Variants in FCGRT observed in about 807,000 individuals in gnomAD.
The protein encoded by FCGRT is Fc gamma receptor and transporter.
In FCGRT, 13 loss-of-function variants were observed where a neutral mutation model predicts 35.7. That is an observed-to-expected ratio of 0.36 (90% CI 0.24 to 0.58). FCGRT has a LOEUF of 0.58. Ranked by LOEUF, FCGRT falls within the 20% of genes least tolerant of loss-of-function variation. The pLI is 0.77. For missense variants in FCGRT, 455 were observed against 474.9 expected, an observed-to-expected ratio of 0.96 and a Z score of 0.39; for synonymous variants, 233 against 216.5, an observed-to-expected ratio of 1.08 and a Z score of -0.67.
intron 5 of FCGRT, chr19:49,525,125 A>AAGAC (rs1184907159): frequency 7.7e-6 from 4 of 521,214 alleles, no homozygotes; most frequent in African/African-American, 5.7e-5. Context: ...CGTCCTCACC[A>AAGAC]AGACTGACTG....
Position 49,514,000 on chromosome 19 carries a change from G to A in FCGRT, c.192G>A (p.Leu64=), listed in dbSNP as rs1177188761. Residue 64 remains leucine, a synonymous_variant, in exon 3 of 7, where the codon CTG becomes CTA. Coordinates refer to ENST00000221466, the MANE Select transcript of FCGRT (RefSeq NM_001136019.3). The part of the protein sequence containing the change: ...GPQQYLSYNS[L]RGEAEPCGAW... ...AGCAGTACCTGAGCTACAATAGCCT[G>A]CGGGGCGAGGCGGAGCCCTGTGGAG... The A allele has an allele frequency of 6.2e-7, 1 of 1,613,514 alleles. No individual in the cohort carries two copies. The highest frequency in any genetic ancestry group is 1.7e-5 in the Admixed American group (1 of 60,002).
chr19:49,517,165 G>A (rs1052328507), intron 4 of FCGRT, among the ~76,000 whole-genome samples: 6 of 152,020 alleles, frequency 3.9e-5, no homozygotes, highest in African/African-American at 1.5e-4. Flanking sequence ...CTCCAGCCCA[G>A]ATGACAGAGC....
intron 4 of FCGRT, chr19:49,521,661 AC>A (rs1025592073): frequency 7.0e-6 from 1 of 143,820 alleles, no homozygotes. Flanking sequence ...GAGCCATTGC[AC>A]CCGGCTTTTT....
intron 1 of FCGRT, 35 bp from the exon 2 acceptor site, chr19:49,513,352 G>C: frequency 9.8e-7 from 1 of 1,021,876 alleles, no homozygotes; most frequent in South Asian, 5.0e-5. Context: ...GCGGGCCGGG[G>C]GTCGGGAGGA....
At chr19:49,525,363 G>A (rs73582446) in intron 5 of FCGRT, 94 bp from the exon 6 acceptor site, 80,961 of 926,822 alleles carry the variant, frequency 0.087, 4,296 homozygotes, top group African/African-American at 0.16. Context: ...TGGAATCTCC[G>A]AGGCTGGGAG....
chr19:49,524,713 G>A lies in FCGRT; in HGVS notation c.808G>A (p.Glu270Lys). Reference protein sequence around the residue: ...SSSLTVKSGDEHHYCCIVQHA... With the variant: ...SSSLTVKSGDKHHYCCIVQHA... ...GTCACTAACAGTCAAAAGTGGCGAT[G>A]AGCACCACTACTGCTGCATTGTGCA... Residue 270 changes from glutamate (E) to lysine (K), a missense_variant, in exon 5 of 7, where the codon GAG becomes AAG. Glu to Lys is a moderately conservative substitution (Grantham distance 56). Transcript: ENST00000221466. 1.2e-6 allele frequency: 2 copies of A among 1,602,652 alleles called. No individual in the cohort carries two copies. The highest frequency in any genetic ancestry group is 1.1e-5 in the South Asian group (1 of 91,074).
At chr19:49,521,661 A>T (rs934526178) in intron 4 of FCGRT, 8 of 143,818 alleles carry the variant, frequency 5.6e-5, no homozygotes, top group Non-Finnish European at 1.2e-4. Flanking sequence ...GAGCCATTGC[A>T]CCCGGCTTTT....
intron 4 of FCGRT, among the ~76,000 whole-genome samples, chr19:49,517,026 C>G (rs2080011620): frequency 6.6e-6 from 1 of 151,832 alleles, no homozygotes; most frequent in Admixed American, 6.6e-5. Context: ...CGCATCTCTA[C>G]TAAAAACTCA....
At chr19:49,522,184 G>A (rs1449470261) in intron 4 of FCGRT, among the ~76,000 whole-genome samples, 1 of 149,732 alleles carries the variant, frequency 6.7e-6, no homozygotes, top group African/African-American at 2.5e-5. Flanking sequence ...TGGGCTCAAG[G>A]ATTCCTCCTG....
rs2080077981 is a variant in FCGRT at position 49,526,397 on chromosome 19, C to T, written c.*278C>T. 6.5e-6 allele frequency: 3 copies of T among 462,652 alleles called. No individual in the cohort carries two copies. The highest frequency in any genetic ancestry group is 7.7e-6 in the Non-Finnish European group (2 of 258,078). The allele number at this position is 462,652 out of a possible 1,614,324, so 28.7% of individuals were successfully genotyped here. ...GGGAATAAGTCGGGGGACTGAATGG[C>T]GGCTGGGCCTCGGATCTCTCCTACA... is the stretch of plus-strand genomic sequence containing the variant. On this transcript the variant is annotated 3_prime_UTR_variant, in exon 7 of 7. Transcript: ENST00000221466.
intron 4 of FCGRT, among the ~76,000 whole-genome samples, chr19:49,518,959 C>A (rs959465733): frequency 6.6e-6 from 1 of 152,134 alleles, no homozygotes; most frequent in Non-Finnish European, 1.5e-5. Context: ...TCTCCTGCCT[C>A]AGCCTCCCGA....
At chr19:49,518,473 C>G (rs2080021633) in intron 4 of FCGRT, among the ~76,000 whole-genome samples, 1 of 150,968 alleles carries the variant, frequency 6.6e-6, no homozygotes, top group Non-Finnish European at 1.5e-5. Flanking sequence ...TCAAGTAATT[C>G]TCCCACTTCA....
At chr19:49,524,310 G>A (rs2122697178) in intron 4 of FCGRT, among the ~76,000 whole-genome samples, 197 bp from the exon 5 acceptor site, 1 of 152,276 alleles carries the variant, frequency 6.6e-6, no homozygotes, top group Admixed American at 6.5e-5. Flanking sequence ...CCCAGCCCAA[G>A]GAGGTGACAT....
chr19:49,513,043 T>A (rs187804944), intron 1 of FCGRT: 796 of 59,684 alleles, frequency 0.013, 70 homozygotes, highest in African/African-American at 0.092. Flanking sequence ...GGTCCGAGGG[T>A]AGAGCGGTTG....
Position 49,524,794 on chromosome 19 carries a change from G to T in FCGRT, c.871+18G>T. ...GGAGCTGGGTGAGGTCCCGCCAGGT[G>T]GTGATGCTCCTGGTTTCCCGTTGCC... On this transcript the variant is annotated intron_variant, in intron 5 of 6. Transcript: ENST00000221466. 6.3e-7 allele frequency: 1 copy of T among 1,595,678 alleles called. No individual in the cohort carries two copies. Among genetic ancestry groups the T allele is most frequent in the South Asian group, 1.1e-5 (1 of 90,274 alleles).
In FCGRT at chr19:49,525,494, C is replaced by A. The variant is rs374753638; in HGVS notation, c.909C>A (p.Ile303=). 1.2e-6 allele frequency: 2 copies of A among 1,613,858 alleles called. No homozygotes were observed. Among genetic ancestry groups the A allele is most frequent in the Admixed American group, 1.7e-5 (1 of 59,986 alleles). The change falls in exon 6 of 7, where the codon ATC becomes ATA. Residue 303 remains isoleucine (I), a synonymous_variant. Transcript: ENST00000221466. ...AGTCCTCCGTGCTCGTGGTGGGAAT[C>A]GTCATCGGTGTCTTGCTACTCACGG... is the stretch of plus-strand genomic sequence containing the variant. The part of the protein sequence containing the change: ...PAKSSVLVVG[I]VIGVLLLTAA...
At chr19:49,513,115 G>A (rs2079982923) in intron 1 of FCGRT, 1 of 263,802 alleles carries the variant, frequency 3.8e-6, no homozygotes, top group Non-Finnish European at 7.1e-6. Context: ...GGGGTCTGAG[G>A]GAGGAGGGGC....
chr19:49,522,943 AATTTTTTGT>A (rs780753339), intron 4 of FCGRT, among the ~76,000 whole-genome samples: 56 of 151,210 alleles, frequency 3.7e-4, no homozygotes, highest in Non-Finnish European at 8.8e-5. Flanking sequence ...ACGCCCGGCT[AATTTTTTGT>A]ATTTTTAGTA....
intron 4 of FCGRT, chr19:49,516,011 C>G (rs545986480): frequency 5.8e-6 from 2 of 347,822 alleles, no homozygotes; most frequent in African/African-American, 4.3e-5. Context: ...CCCCAGATCC[C>G]CACTCATTCA....
Sources: gnomAD v4.1 joint callset for allele counts (sites outside exome capture counted in the v4.1 genomes callset) on GRCh38, gnomAD v4.1.1 for gene constraint, MANE v1.5 for transcripts, NCBI Gene and HGNC (gene_info 2026-07-23, HGNC 2026-07-21) for gene names.